Variants in ZFHX4 observed in about 807,000 individuals in gnomAD.
ZFHX4 encodes zinc finger homeobox protein 4.
In ZFHX4, 56 loss-of-function variants were observed where a neutral mutation model predicts 267.6. The observed-to-expected ratio is 0.21, with a 90% CI of 0.17 to 0.26. The LOEUF is 0.26. Ranked by LOEUF, ZFHX4 falls within the 10% of genes least tolerant of loss-of-function variation. The probability of loss-of-function intolerance (pLI) is 1.00; values close to 1 mark genes in which losing one functional copy is unlikely to be tolerated. For synonymous variants in ZFHX4, 1,778 were observed against 1,665.6 expected (o/e 1.07, Z -1.64); for missense variants, 4,332 against 4,420.0 (o/e 0.98, Z 0.56).
chr8:76,853,706 T>C lies in ZFHX4; in HGVS notation c.6785T>C (p.Val2262Ala), dbSNP rs761135135. 6.2e-7 allele frequency: 1 copy of C among 1,613,794 alleles called. No homozygotes were observed. The highest frequency in any genetic ancestry group is 8.5e-7 in the Non-Finnish European group (1 of 1,179,838). ...KDDEIEQLST[V>A]LNLPTRVIVV... ...GATGAAATAGAACAACTCTCCACTG[T>C]TCTCAATCTGCCTACCCGGGTTATT... Residue 2262 changes from valine (V) to alanine (A), a missense_variant, in exon 10 of 11, where the codon GTT (valine) becomes GCT (alanine). Transcript: ENST00000651372.
In ZFHX4 at chr8:76,835,243, A is replaced by ATATATATATATG. The variant is rs1554572185; in HGVS notation, c.3394+1848_3394+1849insGTATATATATAT. ...TGTATATATATATATATATATATGT[A>ATATATATATATG]TATATATATATATATATTCATACAT... On this transcript the variant is annotated intron_variant, in intron 5 of 10. Transcript: ENST00000651372. Among the ~76,000 whole-genome samples the ATATATATATATG allele has an allele frequency of 5.6e-3, 570 of 102,658 alleles. 19 individuals carry two copies. The highest frequency in any genetic ancestry group is 0.015 in the Middle Eastern group (3 of 194). 67.3% of individuals were successfully genotyped at this position (102,658 alleles called of 152,430 possible). A position where few individuals can be genotyped will look rare whatever the true frequency, so the allele number is the denominator to read the frequency against.
At chr8:76,747,567 C>T (rs765722211) in intron 3 of ZFHX4, among the ~76,000 whole-genome samples, 2 of 152,134 alleles carry the variant, frequency 1.3e-5, no homozygotes, top group Non-Finnish European at 2.9e-5. Context: ...ATACATCACG[C>T]ATCTCTGTCT....
At chr8:76,837,743 A>G (rs1367409377) in intron 5 of ZFHX4, among the ~76,000 whole-genome samples, 1 of 152,200 alleles carries the variant, frequency 6.6e-6, no homozygotes, top group African/African-American at 2.4e-5. Context: ...ATGTTTACCT[A>G]TTACAGCAAG....
intron 6 of ZFHX4, among the ~76,000 whole-genome samples, chr8:76,847,558 G>A (rs1050247892): frequency 6.6e-6 from 1 of 151,854 alleles, no homozygotes; most frequent in Non-Finnish European, 1.5e-5. Flanking sequence ...CATTAATTCT[G>A]TATCTACCAT....
chr8:76,842,011 A>G (rs1812246046), intron 5 of ZFHX4, among the ~76,000 whole-genome samples: 1 of 152,144 alleles, frequency 6.6e-6, no homozygotes, highest in Non-Finnish European at 1.5e-5. Context: ...GAGGATTTCC[A>G]TGTAATCTAG....
intron 3 of ZFHX4, among the ~76,000 whole-genome samples, chr8:76,718,506 A>T (rs1329494959): frequency 6.6e-6 from 1 of 152,180 alleles, no homozygotes; most frequent in Non-Finnish European, 1.5e-5. Flanking sequence ...TTTTTCCATG[A>T]TGAGTATTTC....
rs769829786 is a variant in ZFHX4, at chr8:76,856,122, A to G, written c.9201A>G (p.Ile3067Met). The change falls in exon 10 of 11, where the codon ATA becomes ATG. Residue 3067 changes from isoleucine (I) to methionine (M), a missense_variant. Transcript: ENST00000651372. ...QLMAQQELDR[I>M]KKASDVLGLT... The stretch of plus-strand genomic sequence containing the variant: ...TGGCACAGCAAGAACTTGATCGTAT[A>G]AAGAAAGCTTCAGACGTGCTGGGCT... 1 of 1,613,982 alleles carries G rather than the reference A, an allele frequency of 6.2e-7. No homozygotes were observed. Among genetic ancestry groups the G allele is most frequent in the South Asian group, 1.1e-5 (1 of 91,084 alleles).
Position 76,854,917 on chromosome 8 carries a change from C to T in ZFHX4, c.7996C>T (p.Arg2666Trp), listed in dbSNP as rs1286639106. Residue 2666 changes from arginine to tryptophan, a missense_variant, in exon 10 of 11, where the codon CGG becomes TGG. Physicochemically the swap from Arg to Trp is moderately radical, Grantham distance 101 (BLOSUM62 -3). This residue lies in a region of ZFHX4 where 1,648 missense variants were observed against 1,625.0 expected (regional missense o/e 1.01). Coordinates refer to ENST00000651372, the MANE Select transcript of ZFHX4 (RefSeq NM_024721.5). The part of the protein sequence containing the change: ...TRARERKGQF[R>W]AVGPAQSHKR... ...AGCGCGGGAGAGGAAAGGCCAGTTC[C>T]GGGCGGTGGGTCCAGCACAGTCTCA... 3 of 1,613,764 alleles carry T rather than the reference C, an allele frequency of 1.9e-6. No homozygotes were observed. The highest frequency in any genetic ancestry group is 2.2e-5 in the East Asian group (1 of 44,848).
At chr8:76,736,961 T>C (rs539882344) in intron 3 of ZFHX4, among the ~76,000 whole-genome samples, 1 of 152,250 alleles carries the variant, frequency 6.6e-6, no homozygotes, top group South Asian at 2.1e-4. Context: ...AATGGGACAC[T>C]ACAAACATGA....
chr8:76,778,512 C>A (rs1563517082), intron 4 of ZFHX4, 73 bp downstream of exon 4: 21 of 920,680 alleles, frequency 2.3e-5, no homozygotes, highest in South Asian at 4.6e-5. Context: ...CACACACAAA[C>A]ACACACACAC....
chr8:76,814,749 T>A (rs1480009796), intron 4 of ZFHX4, among the ~76,000 whole-genome samples: 9 of 152,126 alleles, frequency 5.9e-5, no homozygotes, highest in Admixed American at 2.0e-4. Flanking sequence ...CCTGCCTGCG[T>A]GGACAAACCT....
Position 76,771,005 on chromosome 8 carries a change from G to C in ZFHX4, c.3094-7203G>C, listed in dbSNP as rs370987285. Reference sequence around the variant, plus strand: ...AAATGGAAATATTTTGAAAGTGAAGGGGTGATGGTTGTTAAACTGGAAGTG... The same window carrying C: ...AAATGGAAATATTTTGAAAGTGAAGCGGTGATGGTTGTTAAACTGGAAGTG... On this transcript the variant is annotated intron_variant, in intron 3 of 10. Coordinates refer to ENST00000651372, the MANE Select transcript of ZFHX4 (RefSeq NM_024721.5). 1.1e-4 allele frequency among the ~76,000 whole-genome samples: 17 copies of C among 152,258 alleles called. 1 individual carries two copies. Among genetic ancestry groups the C allele is most frequent in the African/African-American group, 4.1e-4 (17 of 41,560 alleles).
chr8:76,691,390 TG>T (rs1192386926), intron 1 of ZFHX4, among the ~76,000 whole-genome samples: 1 of 152,088 alleles, frequency 6.6e-6, no homozygotes, highest in African/African-American at 2.4e-5. Flanking sequence ...AAACATGGTG[TG>T]AACAAGAACA....
chr8:76,751,824 T>G (rs1809621643), intron 3 of ZFHX4, among the ~76,000 whole-genome samples: 1 of 152,196 alleles, frequency 6.6e-6, no homozygotes, highest in African/African-American at 2.4e-5. Context: ...GCTACGATGA[T>G]GAGCATCATA....
At chr8:76,755,298 G>C (rs776532029) in intron 3 of ZFHX4, among the ~76,000 whole-genome samples, 20 of 152,032 alleles carry the variant, frequency 1.3e-4, no homozygotes, top group Non-Finnish European at 2.2e-4. Flanking sequence ...TAATTTAGGG[G>C]ATCTTTTCAG....
chr8:76,751,959 G>A (rs1043252357), intron 3 of ZFHX4, among the ~76,000 whole-genome samples: 1 of 152,118 alleles, frequency 6.6e-6, no homozygotes, highest in African/African-American at 2.4e-5. Flanking sequence ...AATGCTGAGA[G>A]TATATCTCAG....
intron 4 of ZFHX4, among the ~76,000 whole-genome samples, chr8:76,812,901 A>G (rs1811413606): frequency 6.6e-6 from 1 of 152,146 alleles, no homozygotes; most frequent in South Asian, 2.1e-4. Flanking sequence ...TTTTCTCAAG[A>G]GCCAGTTAAG....
At chr8:76,709,466 C>T (rs1433847668) in intron 3 of ZFHX4, among the ~76,000 whole-genome samples, 1 of 152,000 alleles carries the variant, frequency 6.6e-6, no homozygotes, top group Non-Finnish European at 1.5e-5. Flanking sequence ...GACAACTGTT[C>T]AATTGTCTAC....
Position 76,704,218 on chromosome 8 carries a change from A to T in ZFHX4, c.130A>T (p.Asn44Tyr). 1 of 1,614,002 alleles carries T rather than the reference A, an allele frequency of 6.2e-7. No homozygotes were observed. Among genetic ancestry groups the T allele is most frequent in the South Asian group, 1.1e-5 (1 of 91,072 alleles). The change falls in exon 2 of 11, where the codon AAC (asparagine) becomes TAC (tyrosine). Residue 44 changes from asparagine (N) to tyrosine (Y), a missense_variant. Asn to Tyr is a moderately radical substitution (Grantham distance 143). Coordinates refer to ENST00000651372, the MANE Select transcript of ZFHX4 (RefSeq NM_024721.5). ...KVAGMEPDRE[N>Y]SSTDDNLKTD... is the part of the protein sequence containing the mutation. ...TGCAGGGATGGAGCCTGACAGGGAA[A>T]ACAGCTCCACAGATGACAACCTGAA... is the stretch of plus-strand genomic sequence containing the variant.
Sources: allele counts gnomAD v4.1 joint callset (sites outside exome capture counted in the v4.1 genomes callset), GRCh38; gene constraint gnomAD v4.1.1; regional missense constraint gnomAD v4.1.1; transcripts MANE v1.5; gene names NCBI Gene and HGNC (gene_info 2026-07-23, HGNC 2026-07-21).